Variants in PTPRT observed in about 807,000 individuals in gnomAD.
PTPRT encodes receptor-type tyrosine-protein phosphatase T.
A neutral mutation model predicts 176.8 loss-of-function variants in PTPRT; 56 were observed. That is an observed-to-expected ratio of 0.32 (90% CI 0.26 to 0.40). PTPRT has a LOEUF of 0.40. PTPRT is among the 10% of genes least tolerant of loss of function. The pLI, the probability that PTPRT is intolerant of heterozygous loss-of-function variation, is 1.00. For missense variants in PTPRT, 1,540 were observed against 1,908.2 expected, an observed-to-expected ratio of 0.81 and a Z score of 3.60; for synonymous variants, 783 against 739.0, an observed-to-expected ratio of 1.06 and a Z score of -0.96.
intron 22 of PTPRT, among the ~76,000 whole-genome samples, chr20:42,112,791 AG>A (rs1987072687): frequency 6.6e-6 from 1 of 152,166 alleles, no homozygotes; most frequent in Non-Finnish European, 1.5e-5. Flanking sequence ...AAACTAACAT[AG>A]GGGCAGGACT....
chr20:42,379,285 A>G (rs112257439), intron 9 of PTPRT, among the ~76,000 whole-genome samples: 5 of 152,356 alleles, frequency 3.3e-5, no homozygotes, highest in African/African-American at 9.6e-5. Flanking sequence ...CCTTTATTGC[A>G]GGAAGATTTC....
At chr20:42,719,063 T>A (rs2076268711) in intron 6 of PTPRT, among the ~76,000 whole-genome samples, 1 of 152,226 alleles carries the variant, frequency 6.6e-6, no homozygotes, top group African/African-American at 2.4e-5. Context: ...ATCTTAGGTT[T>A]CTTTTTAGCT....
chr20:42,767,977 T>C (rs866551362), intron 5 of PTPRT, among the ~76,000 whole-genome samples: 36 of 125,252 alleles, frequency 2.9e-4, no homozygotes, highest in Middle Eastern at 8.1e-3. Flanking sequence ...TATAAAATTA[T>C]ACACACACAC....
chr20:42,389,101 G>A (rs940393139), intron 9 of PTPRT, among the ~76,000 whole-genome samples: 2 of 137,032 alleles, frequency 1.5e-5, no homozygotes. Context: ...ACAGGAAGGG[G>A]AACATCACAC....
At chr20:42,892,486 G>GT (rs1479373223) in intron 1 of PTPRT, among the ~76,000 whole-genome samples, 4 of 145,758 alleles carry the variant, frequency 2.7e-5, no homozygotes, top group East Asian at 2.0e-4. Context: ...GTGGAGCTAA[G>GT]TAAAAAAAAA....
chr20:42,639,946 C>A (rs946082318), intron 7 of PTPRT, among the ~76,000 whole-genome samples: 39 of 152,092 alleles, frequency 2.6e-4, no homozygotes, highest in Admixed American at 6.5e-4. Flanking sequence ...CCCTCTCCCC[C>A]CAACCCGAAT....
At chr20:42,371,924 G>A (rs570690392) in intron 9 of PTPRT, among the ~76,000 whole-genome samples, 2 of 152,280 alleles carry the variant, frequency 1.3e-5, no homozygotes, top group East Asian at 1.9e-4. Flanking sequence ...GGTGGTTGGG[G>A]CTGAGTCTCC....
the PTPRT span, among the ~76,000 whole-genome samples, chr20:42,053,722 C>T: frequency 7.9e-5 from 12 of 152,336 alleles, no homozygotes; most frequent in South Asian, 1.2e-3. Flanking sequence ...CAGACTTAGT[C>T]ATTTGCAACT....
chr20:42,203,617 C>T (rs2055378796), intron 15 of PTPRT, among the ~76,000 whole-genome samples: 1 of 152,212 alleles, frequency 6.6e-6, no homozygotes, highest in South Asian at 2.1e-4. Context: ...ATAATTTTCT[C>T]CTCTTGCTTG....
At chr20:42,472,225 C>A in intron 8 of PTPRT, 41 bp downstream of exon 8, 1 of 1,587,240 alleles carries the variant, frequency 6.3e-7, no homozygotes, top group Non-Finnish European at 8.6e-7. Flanking sequence ...TGAATAGATT[C>A]AATATCCCCA....
rs538306557 is a variant in PTPRT at position 43,109,466 on chromosome 20, C to T, written c.88+80180G>A. ...CACTTAGTTGTGAGACCTGACTTCA[C>T]TTCCAGCCTTTAGTCCCTCAAGATT... On this transcript the variant is annotated intron_variant, in intron 1 of 30. Transcript: ENST00000373187. Among the ~76,000 whole-genome samples, 7 of 152,288 alleles carry T rather than the reference C, an allele frequency of 4.6e-5. 1 individual carries two copies. In the South Asian group the frequency reaches 6.2e-4, roughly 14 times the overall value.
At chr20:42,565,973 C>A (rs1290512885) in intron 7 of PTPRT, among the ~76,000 whole-genome samples, 1 of 152,130 alleles carries the variant, frequency 6.6e-6, no homozygotes, top group Non-Finnish European at 1.5e-5. Flanking sequence ...TCACTCTCAC[C>A]TTCCATCACA....
At chr20:42,763,072 A>C (rs1394700282) in intron 5 of PTPRT, among the ~76,000 whole-genome samples, 1 of 152,108 alleles carries the variant, frequency 6.6e-6, no homozygotes, top group Non-Finnish European at 1.5e-5. Flanking sequence ...AGACCCCTCT[A>C]TTTTCAGGAA....
chr20:43,075,147 TC>T (rs1426392046), intron 1 of PTPRT, among the ~76,000 whole-genome samples: 1 of 152,236 alleles, frequency 6.6e-6, no homozygotes, highest in Non-Finnish European at 1.5e-5. Flanking sequence ...TGTATCTGCA[TC>T]AAAAGACTAC....
intron 1 of PTPRT, among the ~76,000 whole-genome samples, chr20:42,895,106 A>G (rs1309306403): frequency 6.6e-6 from 1 of 152,220 alleles, no homozygotes; most frequent in Non-Finnish European, 1.5e-5. Flanking sequence ...TAGATAGTAA[A>G]TATTTTCAGC....
chr20:43,162,424 C>A (rs557176970), intron 1 of PTPRT, among the ~76,000 whole-genome samples: 13 of 152,268 alleles, frequency 8.5e-5, no homozygotes, highest in Middle Eastern at 3.4e-3. Flanking sequence ...AGTCAGAAAT[C>A]TTTTCTCAGT....
intron 9 of PTPRT, among the ~76,000 whole-genome samples, chr20:42,397,558 T>C (rs1261348289): frequency 6.6e-6 from 1 of 152,224 alleles, no homozygotes; most frequent in Non-Finnish European, 1.5e-5. Context: ...ACATTTTCTG[T>C]TTCTGTGTTA....
At chr20:42,084,559 AG>A (rs1327003483) in intron 29 of PTPRT, 122 bp downstream of exon 29, 1 of 818,768 alleles carries the variant, frequency 1.2e-6, no homozygotes, top group Non-Finnish European at 1.7e-6. Flanking sequence ...CTAGCCTTTG[AG>A]GGATGTTGAG....
At chr20:42,591,807 G>A (rs1420044194) in intron 7 of PTPRT, among the ~76,000 whole-genome samples, 2 of 152,016 alleles carry the variant, frequency 1.3e-5, no homozygotes, top group African/African-American at 4.8e-5. Flanking sequence ...TTTCCCATCA[G>A]TACAGTAAAA....
Sources: allele counts gnomAD v4.1 joint callset (sites outside exome capture counted in the v4.1 genomes callset), GRCh38; gene constraint gnomAD v4.1.1; transcripts MANE v1.5; gene names NCBI Gene and HGNC (gene_info 2026-07-23, HGNC 2026-07-21).